The following PLPPR1 variants were observed in gnomAD, a reference collection of about 807,000 sequenced individuals.
PLPPR1 encodes the protein phospholipid phosphatase related 1, also known as phospholipid phosphatase-related protein type 1.
Under a neutral mutation model 33.1 loss-of-function variants are expected in PLPPR1, and 10 were observed. The ratio of observed to expected loss-of-function variants is 0.30; its 90% CI spans 0.19 to 0.51. The LOEUF (loss-of-function observed/expected upper bound fraction) is 0.51. Ranked by LOEUF, PLPPR1 falls within the 20% of genes least tolerant of loss-of-function variation. The probability of loss-of-function intolerance (pLI) is 0.97; values close to 1 mark genes in which losing one functional copy is unlikely to be tolerated. For synonymous variants in PLPPR1, 151 were observed against 151.0 expected, an observed-to-expected ratio of 1.00 and a Z score of 0.00; for missense variants, 304 against 408.1, an observed-to-expected ratio of 0.74 and a Z score of 2.20.
chr9:101,118,937 T>C (rs965646148), intron 1 of PLPPR1, among the ~76,000 whole-genome samples: 1 of 151,724 alleles, frequency 6.6e-6, no homozygotes, highest in Non-Finnish European at 1.5e-5. Context: ...ACATGGCAGG[T>C]AAAATTCAAA....
intron 1 of PLPPR1, among the ~76,000 whole-genome samples, chr9:101,090,234 G>T (rs753283843): frequency 6.6e-6 from 1 of 152,054 alleles, no homozygotes; most frequent in Non-Finnish European, 1.5e-5. Flanking sequence ...CAAAGACCCC[G>T]TTTCCAAACA....
At chr9:101,204,595 T>C (rs1347117393) in intron 2 of PLPPR1, among the ~76,000 whole-genome samples, 2 of 152,162 alleles carry the variant, frequency 1.3e-5, no homozygotes, top group South Asian at 2.1e-4. Flanking sequence ...CTGTTAGGGC[T>C]TGGCTACTGT....
intron 2 of PLPPR1, among the ~76,000 whole-genome samples, chr9:101,261,099 T>C (rs1827890627): frequency 6.6e-6 from 1 of 152,232 alleles, no homozygotes; most frequent in South Asian, 2.1e-4. Flanking sequence ...TAATTGCAGG[T>C]TTTCAGTGTA....
chr9:101,036,354 A>G (rs1830009977), intron 1 of PLPPR1, among the ~76,000 whole-genome samples: 1 of 152,206 alleles, frequency 6.6e-6, no homozygotes, highest in Admixed American at 6.5e-5. Context: ...TCTGGTCAAT[A>G]AACGTTATAT....
At chr9:101,321,399 T>C (rs560258396) in intron 7 of PLPPR1, among the ~76,000 whole-genome samples, 1 of 152,278 alleles carries the variant, frequency 6.6e-6, no homozygotes, top group Non-Finnish European at 1.5e-5. Context: ...GTATAGTTGA[T>C]TGAGATGGGG....
In PLPPR1 at chr9:101,185,563, T is replaced by C; in HGVS notation, c.63+6T>C. On this transcript the variant is annotated splice_donor_region_variant and intron_variant, in intron 2 of 7. Transcript: ENST00000374874. ...CGTGTTTTATATTTGTTGAGGTATG[T>C]GTATTTTTTAACCTTTATGGACAAA... The C allele has an allele frequency of 6.3e-7, 1 of 1,593,568 alleles. No homozygotes were observed. Among genetic ancestry groups the C allele is most frequent in the Non-Finnish European group, 8.6e-7 (1 of 1,164,116 alleles).
intron 1 of PLPPR1, among the ~76,000 whole-genome samples, chr9:101,180,576 T>G (rs1186073970): frequency 6.6e-6 from 1 of 151,638 alleles, no homozygotes; most frequent in East Asian, 1.9e-4. Flanking sequence ...AGCCCAGAAA[T>G]AAGCCCATAT....
intron 3 of PLPPR1, among the ~76,000 whole-genome samples, chr9:101,282,578 AG>A (rs1358813461): frequency 6.6e-6 from 1 of 152,204 alleles, no homozygotes; most frequent in African/African-American, 2.4e-5. Flanking sequence ...GGCAAGAGAA[AG>A]AAAGAAAAGG....
chr9:101,191,564 G>A (rs1826297873), intron 2 of PLPPR1, among the ~76,000 whole-genome samples: 1 of 151,960 alleles, frequency 6.6e-6, no homozygotes. Flanking sequence ...ACTTCTCTGA[G>A]GAAAAACACA....
intron 2 of PLPPR1, among the ~76,000 whole-genome samples, chr9:101,234,058 G>A (rs1827245717): frequency 6.6e-6 from 1 of 151,846 alleles, no homozygotes; most frequent in Non-Finnish European, 1.5e-5. Context: ...AGAAGGTGGT[G>A]AGAGGCAAGG....
chr9:101,071,923 C>A (rs1426542940), intron 1 of PLPPR1, among the ~76,000 whole-genome samples: 1 of 152,070 alleles, frequency 6.6e-6, no homozygotes, highest in African/African-American at 2.4e-5. Context: ...CTGTGAGATT[C>A]TGTAAGAGGT....
Position 101,045,590 on chromosome 9 carries a change from A to T in PLPPR1, c.-46+16488A>T, listed in dbSNP as rs73656428. 4.7e-3 allele frequency among the ~76,000 whole-genome samples: 713 copies of T among 152,338 alleles called. 8 individuals carry two copies. The highest frequency in any genetic ancestry group is 0.016 in the African/African-American group (645 of 41,588). On this transcript the variant is annotated intron_variant, in intron 1 of 7. Coordinates refer to ENST00000374874, the MANE Select transcript of PLPPR1 (RefSeq NM_207299.2). ...TTACTCTAAAGAAGCATATTTTAAC[A>T]AGACAGGGTCAGATAAGAGGCTAGC... is the stretch of plus-strand genomic sequence containing the variant.
intron 1 of PLPPR1, among the ~76,000 whole-genome samples, chr9:101,078,187 G>GAAGAAGAAGAAGAAGAAGAAGAAGAA (rs1564138307): frequency 1.1e-4 from 2 of 17,732 alleles, no homozygotes; most frequent in African/African-American, 2.6e-4. Context: ...AAGAAGAAGA[G>GAAGAAGAAGAAGAAGAAGAAGAAGAA]GAGGGGGGGA....
intron 1 of PLPPR1, among the ~76,000 whole-genome samples, chr9:101,050,351 G>A (rs1481561784): frequency 6.6e-6 from 1 of 152,090 alleles, no homozygotes; most frequent in African/African-American, 2.4e-5. Flanking sequence ...GAGAAGTGGA[G>A]GGGAGTAATG....
At chr9:101,064,056 C>T (rs1830377794) in intron 1 of PLPPR1, among the ~76,000 whole-genome samples, 1 of 152,016 alleles carries the variant, frequency 6.6e-6, no homozygotes, top group South Asian at 2.1e-4. Context: ...ACTAAAACAC[C>T]ATTACCATTA....
At chr9:101,070,936 A>C (rs1402957668) in intron 1 of PLPPR1, among the ~76,000 whole-genome samples, 1 of 152,116 alleles carries the variant, frequency 6.6e-6, no homozygotes, top group East Asian at 1.9e-4. Context: ...AATTTACAAA[A>C]ATTTGGGTTA....
intron 2 of PLPPR1, among the ~76,000 whole-genome samples, chr9:101,188,716 G>A (rs1826245559): frequency 6.6e-6 from 1 of 151,476 alleles, no homozygotes; most frequent in Admixed American, 6.6e-5. Flanking sequence ...TCCTTTATTG[G>A]TTAAAAATTA....
intron 2 of PLPPR1, among the ~76,000 whole-genome samples, chr9:101,267,767 C>T (rs779529858): frequency 4.6e-5 from 7 of 151,212 alleles, no homozygotes; most frequent in Non-Finnish European, 8.8e-5. Context: ...TTTGGAAGGC[C>T]GAGGTGGGTG....
chr9:101,257,128 G>A (rs1336491435), intron 2 of PLPPR1, among the ~76,000 whole-genome samples: 1 of 151,978 alleles, frequency 6.6e-6, no homozygotes, highest in African/African-American at 2.4e-5. Flanking sequence ...ATACCAGTAG[G>A]CCCTGAGAAT....
Sources: gnomAD v4.1 joint callset for allele counts (sites outside exome capture counted in the v4.1 genomes callset) on GRCh38, gnomAD v4.1.1 for gene constraint, MANE v1.5 for transcripts, NCBI Gene and HGNC (gene_info 2026-07-23, HGNC 2026-07-21) for gene names.